Variants in NRXN3 observed in about 807,000 individuals in gnomAD.
NRXN3 encodes the protein neurexin III.
In NRXN3, 32 loss-of-function variants were observed where a neutral mutation model predicts 137.6. That is an observed-to-expected ratio of 0.23 (90% CI 0.18 to 0.31). The LOEUF is 0.31. Among genes scored for constraint, NRXN3 ranks in the 10% least tolerant of loss-of-function variants. The pLI, the probability that NRXN3 is intolerant of heterozygous loss-of-function variation, is 1.00. For synonymous variants in NRXN3, 798 were observed against 784.5 expected, an observed-to-expected ratio of 1.02 and a Z score of -0.29; for missense variants, 1,574 against 2,062.5, an observed-to-expected ratio of 0.76 and a Z score of 4.59.
At chr14:79,514,195 G>T (rs371175588) in intron 16 of NRXN3, among the ~76,000 whole-genome samples, 1 of 94,632 alleles carries the variant, frequency 1.1e-5, no homozygotes, top group African/African-American at 3.7e-5. Flanking sequence ...CCCTCCCCCC[G>T]CTCCCCACCA....
At chr14:79,490,723 A>T (rs560716404) in intron 16 of NRXN3, among the ~76,000 whole-genome samples, 1 of 152,118 alleles carries the variant, frequency 6.6e-6, no homozygotes, top group Non-Finnish European at 1.5e-5. Context: ...TTAAAAAAAA[A>T]ATAGAAGGAA....
intron 16 of NRXN3, among the ~76,000 whole-genome samples, chr14:79,585,695 A>AC (rs1555539242): frequency 1.1e-5 from 1 of 93,476 alleles, no homozygotes; most frequent in Non-Finnish European, 2.5e-5. Flanking sequence ...AAAAAAAAAC[A>AC]AAAAAAAAAA....
chr14:79,020,534 G>C (rs969658570), intron 15 of NRXN3, among the ~76,000 whole-genome samples: 1 of 151,032 alleles, frequency 6.6e-6, no homozygotes, highest in Non-Finnish European at 1.5e-5. Context: ...CAAAGTGCTG[G>C]GATTACAGGT....
intron 15 of NRXN3, among the ~76,000 whole-genome samples, chr14:79,363,293 C>G (rs1473183092): frequency 6.6e-6 from 1 of 152,194 alleles, no homozygotes; most frequent in African/African-American, 2.4e-5. Context: ...AGCCACTGCA[C>G]CCGACAAAAA....
intron 15 of NRXN3, among the ~76,000 whole-genome samples, chr14:79,024,152 C>A (rs1306362258): frequency 6.6e-6 from 1 of 152,018 alleles, no homozygotes; most frequent in Admixed American, 6.6e-5. Flanking sequence ...TTTCAATGTG[C>A]AACTCAAGAA....
At chr14:79,219,131 A>G (rs886172175) in intron 15 of NRXN3, among the ~76,000 whole-genome samples, 3 of 152,056 alleles carry the variant, frequency 2.0e-5, no homozygotes, top group Admixed American at 6.6e-5. Context: ...GTGGGCACTC[A>G]GTTTATTAGA....
At chr14:79,217,460 A>G (rs1209111709) in intron 15 of NRXN3, among the ~76,000 whole-genome samples, 1 of 152,184 alleles carries the variant, frequency 6.6e-6, no homozygotes, top group Non-Finnish European at 1.5e-5. Flanking sequence ...CCCCATCTCC[A>G]ACATAATGGA....
At chr14:79,112,541 G>A (rs944608470) in intron 15 of NRXN3, among the ~76,000 whole-genome samples, 3 of 152,186 alleles carry the variant, frequency 2.0e-5, no homozygotes, top group Admixed American at 6.5e-5. Context: ...CGGGATTAAT[G>A]TAAAGAACTG....
chr14:78,774,984 G>T (rs1434357337), intron 8 of NRXN3, among the ~76,000 whole-genome samples: 3 of 152,006 alleles, frequency 2.0e-5, no homozygotes, highest in African/African-American at 7.3e-5. Flanking sequence ...GCCAAGCTTA[G>T]ATTTTAACTT....
At chr14:79,529,865 A>G (rs1004550161) in intron 16 of NRXN3, among the ~76,000 whole-genome samples, 5 of 152,188 alleles carry the variant, frequency 3.3e-5, no homozygotes, top group Admixed American at 1.3e-4. Flanking sequence ...TTGCAGAATC[A>G]TGCCAAGCAA....
At position 78,835,384 on chromosome 14, in the gene NRXN3, C is replaced by T. The variant is rs561020673; in HGVS notation, c.2275+25040C>T. On this transcript the variant is annotated intron_variant, in intron 10 of 20. Coordinates refer to ENST00000335750, the MANE Select transcript of NRXN3 (RefSeq NM_001330195.2). ...GGTGGCAGCAGTGGGCTGGTTACAT[C>T]TTCAGAGAAGGAATTGGAAGCGATA... is the stretch of plus-strand genomic sequence containing the variant. Among the ~76,000 whole-genome samples the T allele has an allele frequency of 6.6e-5, 10 of 152,280 alleles. 1 individual carries two copies. The South Asian group carries it at 1.7e-3, about 25-fold the overall frequency.
intron 15 of NRXN3, among the ~76,000 whole-genome samples, chr14:79,411,526 C>T (rs748505820): frequency 3.3e-5 from 5 of 152,086 alleles, no homozygotes; most frequent in Non-Finnish European, 5.9e-5. Context: ...TCACTGAACA[C>T]GACTTGAATA....
At chr14:78,941,988 C>T (rs965807545) in intron 10 of NRXN3, among the ~76,000 whole-genome samples, 1 of 152,102 alleles carries the variant, frequency 6.6e-6, no homozygotes, top group Admixed American at 6.6e-5. Flanking sequence ...TGCTTCTAGG[C>T]CAGAGAGTAG....
intron 15 of NRXN3, among the ~76,000 whole-genome samples, chr14:79,133,215 G>A (rs1034227941): frequency 2.0e-5 from 3 of 152,194 alleles, no homozygotes; most frequent in Non-Finnish European, 4.4e-5. Context: ...AGATGCATTG[G>A]CTAATACCTG....
rs76160278 is a variant in NRXN3, at chr14:78,733,821, G to A, written c.2044+18682G>A. Among the ~76,000 whole-genome samples, 9 of 152,266 alleles carry A rather than the reference G, an allele frequency of 5.9e-5. No individual in the cohort carries two copies. In the East Asian group the frequency reaches 1.7e-3, roughly 29 times the overall value. Reference sequence around the variant, plus strand: ...CATTCAGAGAGTATTTATTGAGACCGTATTATATGACATGCACTATGATAA... The same window carrying A: ...CATTCAGAGAGTATTTATTGAGACCATATTATATGACATGCACTATGATAA... On this transcript the variant is annotated intron_variant, in intron 8 of 20. Coordinates refer to ENST00000335750, the MANE Select transcript of NRXN3 (RefSeq NM_001330195.2).
chr14:79,260,259 A>G (rs1333965151), intron 15 of NRXN3, among the ~76,000 whole-genome samples: 1 of 152,206 alleles, frequency 6.6e-6, no homozygotes, highest in African/African-American at 2.4e-5. Context: ...TCACATATCC[A>G]TATCTATAAA....
intron 19 of NRXN3, among the ~76,000 whole-genome samples, chr14:79,748,692 T>TA (rs935976249): frequency 2.0e-5 from 3 of 152,096 alleles, no homozygotes; most frequent in African/African-American, 4.8e-5. Flanking sequence ...TACTCATTTT[T>TA]AAAAAAATTT....
At chr14:78,548,320 C>T (rs2096655321) in intron 4 of NRXN3, among the ~76,000 whole-genome samples, 1 of 151,998 alleles carries the variant, frequency 6.6e-6, no homozygotes, top group Non-Finnish European at 1.5e-5. Context: ...ATTTTTAGTT[C>T]TCAAGGTTCA....
chr14:79,715,300 G>A (rs2098819918), intron 19 of NRXN3, among the ~76,000 whole-genome samples: 1 of 152,154 alleles, frequency 6.6e-6, no homozygotes, highest in Non-Finnish European at 1.5e-5. Context: ...GAGGTTGAGG[G>A]TATGATTTGA....
Sources: gnomAD v4.1 joint callset for allele counts (sites outside exome capture counted in the v4.1 genomes callset) on GRCh38, gnomAD v4.1.1 for gene constraint, MANE v1.5 for transcripts, NCBI Gene and HGNC (gene_info 2026-07-23, HGNC 2026-07-21) for gene names.